Variants in DYNLRB1 observed in about 807,000 individuals in gnomAD.
DYNLRB1 encodes ROBL/LC7-like 1.
DYNLRB1 carries 6 observed loss-of-function variants against 13.5 expected under a neutral mutation model. That is an observed-to-expected ratio of 0.44 (90% CI 0.24 to 0.88). DYNLRB1 has a LOEUF of 0.88. Among genes scored for constraint, DYNLRB1 ranks in the 40% least tolerant of loss-of-function variants. The pLI, the probability that DYNLRB1 is intolerant of heterozygous loss-of-function variation, is 0.21. For synonymous variants in DYNLRB1, 43 were observed against 45.0 expected, an observed-to-expected ratio of 0.96 and a Z score of 0.18; for missense variants, 93 against 127.2, an observed-to-expected ratio of 0.73 and a Z score of 1.29.
At chr20:34,529,801 TC>T in intron 2 of DYNLRB1, 1 of 1,345,402 alleles carries the variant, frequency 7.4e-7, no homozygotes, top group Non-Finnish European at 9.6e-7. Flanking sequence ...CAGAACGTGC[TC>T]CCCAGCCCTG....
rs1405706156 is a variant in DYNLRB1 at position 34,528,244 on chromosome 20, G to A, written c.79+1901G>A. Among the ~76,000 whole-genome samples, 24 of 84,844 alleles carry A rather than the reference G, an allele frequency of 2.8e-4. 9 individuals are homozygous for A. Among genetic ancestry groups the A allele is most frequent in the Admixed American group, 1.7e-3 (15 of 9,088 alleles). 55.7% of individuals were successfully genotyped at this position (84,844 alleles called of 152,430 possible). On this transcript the variant is annotated intron_variant, in intron 2 of 3. Transcript: ENST00000357156. ...GGAGAATGGCGTGAACCCGGGAGGC[G>A]GAGCTTGCAGTGAGCCGAGATCCCG...
At chr20:34,525,646 G>A (rs187887559) in intron 1 of DYNLRB1, among the ~76,000 whole-genome samples, 2 of 152,264 alleles carry the variant, frequency 1.3e-5, no homozygotes, top group South Asian at 2.1e-4. Context: ...AGTGACAGGA[G>A]GCCTGGCATG....
intron 1 of DYNLRB1, among the ~76,000 whole-genome samples, chr20:34,523,688 C>T (rs939088821): frequency 1.3e-5 from 2 of 152,162 alleles, no homozygotes; most frequent in Admixed American, 6.5e-5. Context: ...TTCCAGGTCC[C>T]GTTTCCCTGC....
Position 34,522,742 on chromosome 20 carries a change from G to C in DYNLRB1, c.4-3526G>C, listed in dbSNP as rs1273707348. On this transcript the variant is annotated intron_variant, in intron 1 of 3. Coordinates refer to ENST00000357156, the MANE Select transcript of DYNLRB1 (RefSeq NM_014183.4). Reference sequence around the variant, plus strand: ...ACCTGCTTTGGTCCCCCAAAGTGCTGGGATTACAGGCATGAGCCACTGTGC... The same window carrying C: ...ACCTGCTTTGGTCCCCCAAAGTGCTCGGATTACAGGCATGAGCCACTGTGC... 2.0e-5 allele frequency among the ~76,000 whole-genome samples: 3 copies of C among 152,168 alleles called. No individual in the cohort carries two copies. The East Asian group carries it at 5.8e-4, about 29-fold the overall frequency.
rs1174437991 is a variant in DYNLRB1, at chr20:34,534,640, A to G, written c.92A>G (p.Lys31Arg). 1 of 1,566,960 alleles carries G rather than the reference A, an allele frequency of 6.4e-7. No individual in the cohort carries two copies. Among genetic ancestry groups the G allele is most frequent in the Non-Finnish European group, 8.6e-7 (1 of 1,156,124 alleles). ...GCTCTCCCCTCAGGCATTCCCATCA[A>G]GAGCACCATGGACAACCCCACCACC... ...IVVNTEGIPIKSTMDNPTTTQ... is the reference protein window; with the variant it reads ...IVVNTEGIPIRSTMDNPTTTQ... Residue 31 changes from lysine (K) to arginine (R), a missense_variant, in exon 3 of 4, where the codon AAG becomes AGG. By Grantham distance (26) the Lys-to-Arg change is conservative. Transcript: ENST00000357156.
chr20:34,530,039 A>C, intron 2 of DYNLRB1: 1 of 1,252,574 alleles, frequency 8.0e-7, no homozygotes, highest in Non-Finnish European at 1.0e-6. Context: ...GACTTTTGTC[A>C]CTAAGAGAGA....
chr20:34,516,318 A>C (rs1421776993), upstream of DYNLRB1: 12 of 1,359,098 alleles, frequency 8.8e-6, no homozygotes, highest in South Asian at 9.3e-5. Context: ...CGGAGCCAAG[A>C]TCGGCTCGCC....
chr20:34,539,810 T>A (rs1002427254), intron 3 of DYNLRB1, among the ~76,000 whole-genome samples: 5 of 151,874 alleles, frequency 3.3e-5, no homozygotes, highest in African/African-American at 1.2e-4. Context: ...TACAAAAAAC[T>A]TTTTAAAAAT....
At chr20:34,519,414 T>TATGTTGTATATG (rs1979531248) in intron 1 of DYNLRB1, among the ~76,000 whole-genome samples, 1 of 152,202 alleles carries the variant, frequency 6.6e-6, no homozygotes, top group Non-Finnish European at 1.5e-5. Context: ...TTAACTTTAC[T>TATGTTGTATATG]TTAAGGCTGA....
intron 1 of DYNLRB1, among the ~76,000 whole-genome samples, chr20:34,524,045 C>T (rs1433229323): frequency 2.0e-5 from 3 of 152,126 alleles, no homozygotes; most frequent in East Asian, 3.8e-4. Context: ...ATTCTGACAA[C>T]ATTGAGTGTA....
At position 34,526,328 on chromosome 20, in the gene DYNLRB1, G is replaced by A. The variant is rs754704650; in HGVS notation, c.64G>A (p.Val22Ile). Residue 22 changes from valine to isoleucine, a missense_variant, in exon 2 of 4, where the codon GTC becomes ATC. Coordinates refer to ENST00000357156, the MANE Select transcript of DYNLRB1 (RefSeq NM_014183.4). ...CCAGAAGGGAGTGCAGGGAATCATCGTCGTGAACACAGAAGGTACGCCCTC... is the reference window on the plus strand; with the variant it reads ...CCAGAAGGGAGTGCAGGGAATCATCATCGTGAACACAGAAGGTACGCCCTC... ...QSQKGVQGII[V>I]VNTEGIPIKS... 5.0e-6 allele frequency: 8 copies of A among 1,613,898 alleles called. No individual in the cohort carries two copies. In the South Asian group the frequency reaches 6.6e-5, roughly 13 times the overall value.
At chr20:34,529,682 T>C (rs1980547400) in intron 2 of DYNLRB1, among the ~76,000 whole-genome samples, 2 of 145,820 alleles carry the variant, frequency 1.4e-5, no homozygotes, top group African/African-American at 2.6e-5. Flanking sequence ...TGAGCCGAGA[T>C]CACACCACTG....
At chr20:34,533,083 T>C (rs1980836877) in intron 2 of DYNLRB1, among the ~76,000 whole-genome samples, 1 of 152,240 alleles carries the variant, frequency 6.6e-6, no homozygotes, top group Non-Finnish European at 1.5e-5. Context: ...AGGCACCTGC[T>C]GGCCCAATCA....
chr20:34,517,410 T>A (rs1979329265), intron 1 of DYNLRB1, among the ~76,000 whole-genome samples: 1 of 152,150 alleles, frequency 6.6e-6, no homozygotes. Flanking sequence ...CACCACAATA[T>A]CTCCACATCA....
At chr20:34,517,472 ACTT>A (rs1259999159) in intron 1 of DYNLRB1, among the ~76,000 whole-genome samples, 1 of 152,050 alleles carries the variant, frequency 6.6e-6, no homozygotes, top group African/African-American at 2.4e-5. Context: ...TTTTCACATC[ACTT>A]CTTAAGCTGT....
At chr20:34,536,415 T>C in intron 3 of DYNLRB1, 6 of 985,312 alleles carry the variant, frequency 6.1e-6, no homozygotes, top group Non-Finnish European at 7.2e-6. Flanking sequence ...CAGGTTGTCA[T>C]GTTGTGTGAC....
chr20:34,526,606 C>T (rs1741038168), intron 2 of DYNLRB1: 2 of 464,720 alleles, frequency 4.3e-6, no homozygotes, highest in Non-Finnish European at 7.8e-6. Flanking sequence ...TCAGACCAGC[C>T]ACCTCCAGTG....
intron 2 of DYNLRB1, among the ~76,000 whole-genome samples, chr20:34,527,746 A>G (rs1005034615): frequency 6.6e-6 from 1 of 152,226 alleles, no homozygotes; most frequent in African/African-American, 2.4e-5. Flanking sequence ...GATAGATTCT[A>G]ATCAGAAGAG....
chr20:34,516,790 A>T (rs763159917), intron 1 of DYNLRB1: 3 of 1,550,098 alleles, frequency 1.9e-6, no homozygotes, highest in Non-Finnish European at 2.6e-6. Flanking sequence ...AACCCTGGCA[A>T]CGTTTCCCGG....
Sources: allele counts gnomAD v4.1 joint callset (sites outside exome capture counted in the v4.1 genomes callset), GRCh38; gene constraint gnomAD v4.1.1; transcripts MANE v1.5; gene names NCBI Gene and HGNC (gene_info 2026-07-23, HGNC 2026-07-21).